SLC12A6: variants seen among roughly 807,000 people sequenced by gnomAD.
The protein encoded by SLC12A6 is solute carrier family 12 member 6.
Under a neutral mutation model 135.3 loss-of-function variants are expected in SLC12A6, and 66 were observed. That is an observed-to-expected ratio of 0.49 (90% CI 0.40 to 0.60). The LOEUF (loss-of-function observed/expected upper bound fraction) is 0.60. Among genes scored for constraint, SLC12A6 ranks in the 20% least tolerant of loss-of-function variants. SLC12A6 has a pLI of 0.00. For synonymous variants in SLC12A6, 513 were observed against 508.8 expected (o/e 1.01, Z -0.11); for missense variants, 1,058 against 1,452.3 (o/e 0.73, Z 4.41).
intron 2 of SLC12A6, among the ~76,000 whole-genome samples, chr15:34,275,887 A>G (rs1008048380): frequency 6.6e-6 from 1 of 152,238 alleles, no homozygotes; most frequent in African/African-American, 2.4e-5. Context: ...CTCAATTTAT[A>G]TAAAATGTTG....
intron 2 of SLC12A6, among the ~76,000 whole-genome samples, chr15:34,297,419 T>C (rs1895948416): frequency 6.6e-6 from 1 of 152,070 alleles, no homozygotes; most frequent in Non-Finnish European, 1.5e-5. Flanking sequence ...TTAGGGAAAA[T>C]TTCCTACTAT....
At position 34,250,892 on chromosome 15, in the gene SLC12A6, T is replaced by G; in HGVS notation, c.1492+7A>C. ...CTTCTAAAATATACAACAGCCTATGTGTTTACCTGTAACAGAGGGAAAGAA... is the reference window on the plus strand; with the variant it reads ...CTTCTAAAATATACAACAGCCTATGGGTTTACCTGTAACAGAGGGAAAGAA... On this transcript the variant is annotated splice_region_variant and intron_variant, in intron 11 of 25. Coordinates refer to ENST00000354181, the MANE Select transcript of SLC12A6 (RefSeq NM_001365088.1). 3 of 1,607,102 alleles carry G rather than the reference T, an allele frequency of 1.9e-6. No homozygotes were observed. Among genetic ancestry groups the G allele is most frequent in the Non-Finnish European group, 2.6e-6 (3 of 1,173,564 alleles).
chr15:34,293,337 C>T (rs1895668645), intron 2 of SLC12A6, among the ~76,000 whole-genome samples: 1 of 152,174 alleles, frequency 6.6e-6, no homozygotes, highest in Admixed American at 6.5e-5. Context: ...CAGAGTCTCA[C>T]TCTGTTGCCC....
intron 2 of SLC12A6, among the ~76,000 whole-genome samples, chr15:34,284,124 C>T (rs1050369975): frequency 6.6e-6 from 1 of 151,846 alleles, no homozygotes; most frequent in African/African-American, 2.4e-5. Flanking sequence ...AATGGGGAAA[C>T]CAGTTACAAG....
chr15:34,293,933 G>A (rs1273602548), intron 2 of SLC12A6, among the ~76,000 whole-genome samples: 1 of 152,168 alleles, frequency 6.6e-6, no homozygotes, highest in Non-Finnish European at 1.5e-5. Context: ...AAAGCTGGTT[G>A]AAATAGAGAA....
intron 17 of SLC12A6, among the ~76,000 whole-genome samples, chr15:34,241,717 T>G (rs1350092957): frequency 6.6e-6 from 1 of 152,232 alleles, no homozygotes; most frequent in Admixed American, 6.5e-5. Context: ...AATAAGAATG[T>G]TATTTCGTCC....
chr15:34,336,475 G>A lies in SLC12A6; in HGVS notation c.206C>T (p.Ser69Leu). Residue 69 changes from serine (S) to leucine (L), a missense_variant, in exon 2 of 26, where the codon TCG (serine) becomes TTG (leucine). Transcript: ENST00000354181. The part of the protein sequence containing the change: ...PMSEMSGATT[S>L]LATVALDPPS... ...TGGATCCAGTGCAACAGTTGCCAGC[G>A]AAGTGGTGGCCCCAGACATCTCACT... 1 of 1,613,420 alleles carries A rather than the reference G, an allele frequency of 6.2e-7. No individual in the cohort carries two copies. Among genetic ancestry groups the A allele is most frequent in the Non-Finnish European group, 8.5e-7 (1 of 1,179,374 alleles).
At chr15:34,286,060 T>C (rs1895051231) in intron 2 of SLC12A6, among the ~76,000 whole-genome samples, 1 of 151,166 alleles carries the variant, frequency 6.6e-6, no homozygotes, top group Admixed American at 6.6e-5. Context: ...ATTAAGATGC[T>C]AGGTTTTATT....
At chr15:34,235,658 G>A (rs946932093) in intron 24 of SLC12A6, among the ~76,000 whole-genome samples, 19 of 152,028 alleles carry the variant, frequency 1.2e-4, no homozygotes, top group African/African-American at 4.6e-4. Flanking sequence ...GGCTGGTCTC[G>A]AACTCCTGAC....
chr15:34,313,040 A>G (rs911704437), intron 2 of SLC12A6, among the ~76,000 whole-genome samples: 8 of 152,098 alleles, frequency 5.3e-5, no homozygotes, highest in Non-Finnish European at 1.2e-4. Context: ...CTCCCTATTC[A>G]CTGAGACACA....
At chr15:34,317,179 G>A (rs1412137575) in intron 2 of SLC12A6, among the ~76,000 whole-genome samples, 1 of 151,934 alleles carries the variant, frequency 6.6e-6, no homozygotes, top group Non-Finnish European at 1.5e-5. Flanking sequence ...ATAACCTTGC[G>A]GACAAAGAGT....
chr15:34,322,721 T>C (rs1325255257), intron 2 of SLC12A6, among the ~76,000 whole-genome samples: 3 of 152,018 alleles, frequency 2.0e-5, no homozygotes, highest in African/African-American at 7.2e-5. Flanking sequence ...CTTACACCTG[T>C]AATCCCAGCA....
intron 15 of SLC12A6, 126 bp downstream of exon 15, chr15:34,245,155 TTTTA>T (rs1353200642): frequency 1.3e-5 from 9 of 719,118 alleles, no homozygotes; most frequent in African/African-American, 3.5e-5. Context: ...CAGGAATGAT[TTTTA>T]TTTAAGTGAA....
chr15:34,315,512 A>G (rs1186291450), intron 2 of SLC12A6, among the ~76,000 whole-genome samples: 1 of 152,230 alleles, frequency 6.6e-6, no homozygotes. Flanking sequence ...GGATCGCTTG[A>G]GCCCAAGAGT....
chr15:34,268,855 C>CT (rs149179838), intron 3 of SLC12A6, among the ~76,000 whole-genome samples: 1,800 of 149,026 alleles, frequency 0.012, 14 homozygotes, highest in Middle Eastern at 0.035. Flanking sequence ...TTCTTTTTTT[C>CT]TTTCTTTCTT....
intron 2 of SLC12A6, among the ~76,000 whole-genome samples, chr15:34,288,454 T>C (rs1049630532): frequency 1.3e-5 from 2 of 152,246 alleles, no homozygotes; most frequent in African/African-American, 4.8e-5. Flanking sequence ...CAGGATTGCC[T>C]TGGCAATGCG....
intron 13 of SLC12A6, 110 bp from the exon 14 acceptor site, chr15:34,245,977 G>A (rs1891957729): frequency 1.2e-6 from 1 of 824,072 alleles, no homozygotes; most frequent in South Asian, 1.4e-5. Context: ...CTGTCACCCA[G>A]GCTAGAGTGC....
rs541752043 is a variant in SLC12A6, at chr15:34,296,830, TA to T, written c.272-21442del. Reference sequence around the variant, plus strand: ...GAGTCAGGACTGAAGGTAGAGAAATTAAGAAGAGATAAAGAACATCCACATA... The same window carrying T: ...GAGTCAGGACTGAAGGTAGAGAAATTAGAAGAGATAAAGAACATCCACATA... On this transcript the variant is annotated intron_variant, in intron 2 of 25. Transcript: ENST00000354181. 1.1e-3 allele frequency among the ~76,000 whole-genome samples: 163 copies of T among 152,240 alleles called. 1 individual carries two copies. Among genetic ancestry groups the T allele is most frequent in the South Asian group, 3.5e-3 (17 of 4,816 alleles).
At chr15:34,253,609 C>G (rs930846399) in intron 9 of SLC12A6, among the ~76,000 whole-genome samples, 1 of 151,610 alleles carries the variant, frequency 6.6e-6, no homozygotes, top group Non-Finnish European at 1.5e-5. Context: ...CTGGAACTGT[C>G]TTTTTGTCTT....
Sources: allele counts gnomAD v4.1 joint callset (sites outside exome capture counted in the v4.1 genomes callset), GRCh38; gene constraint gnomAD v4.1.1; transcripts MANE v1.5; gene names NCBI Gene and HGNC (gene_info 2026-07-23, HGNC 2026-07-21).